TIAM2: variants seen among roughly 807,000 people sequenced by gnomAD.
TIAM2 encodes the protein TIAM Rac1 associated GEF 2.
A neutral mutation model predicts 152.9 loss-of-function variants in TIAM2; 80 were observed. The ratio of observed to expected loss-of-function variants is 0.52; its 90% CI spans 0.44 to 0.63. TIAM2 has a LOEUF of 0.63. Among genes scored for constraint, TIAM2 ranks in the 30% least tolerant of loss-of-function variants. TIAM2 has a pLI of 0.00. For synonymous variants in TIAM2, 804 were observed against 838.0 expected, an observed-to-expected ratio of 0.96 and a Z score of 0.70; for missense variants, 1,965 against 2,120.1, an observed-to-expected ratio of 0.93 and a Z score of 1.44.
At chr6:155,041,031 AT>A (rs879410896) in intron 1 of TIAM2, among the ~76,000 whole-genome samples, 6 of 150,698 alleles carry the variant, frequency 4.0e-5, no homozygotes, top group Admixed American at 2.6e-4. Flanking sequence ...CAAGTTCCCT[AT>A]TTTTTTTTGG....
Position 155,186,901 on chromosome 6 carries a change from C to T in TIAM2, c.3064+3401C>T, listed in dbSNP as rs1781054176. Among the ~76,000 whole-genome samples, 1 of 152,164 alleles carries T rather than the reference C, an allele frequency of 6.6e-6. No homozygotes were observed. The highest frequency in any genetic ancestry group is 1.5e-5 in the Non-Finnish European group (1 of 68,034). ...TTCCCTAAATTTCACTTTCCCTTGG[C>T]ATTGCTAGAAGGCAACCATGTACTT... On this transcript the variant is annotated intron_variant, in intron 14 of 26. Coordinates refer to ENST00000682666, the MANE Select transcript of TIAM2 (RefSeq NM_012454.4). This position sits in a 1 kb window ranked among gnomAD's most constrained non-coding sequence, Gnocchi z 4.5.
At chr6:155,083,948 C>G (rs527248527) in intron 1 of TIAM2, among the ~76,000 whole-genome samples, 15 of 152,278 alleles carry the variant, frequency 9.9e-5, no homozygotes, top group Non-Finnish European at 1.8e-4. Context: ...TGGCCCAGCC[C>G]TGGAAATCCT....
chr6:155,136,226 A>G (rs912793860), intron 4 of TIAM2, among the ~76,000 whole-genome samples: 4 of 151,266 alleles, frequency 2.6e-5, no homozygotes, highest in South Asian at 2.1e-4. Flanking sequence ...CAAAAAAGCT[A>G]TAGTTACTAG....
rs759151486 is a variant in TIAM2 at position 155,129,468 on chromosome 6, C to T, written c.245C>T (p.Thr82Ile). The T allele has an allele frequency of 1.9e-6, 3 of 1,614,164 alleles. No homozygotes were observed. The South Asian group carries it at 3.3e-5, about 18-fold the overall frequency. ...QPYASRLGGP[T>I]CKVSRGVAYS... ...TACGCATCGAGACTCGGTGGCCCCA[C>T]ATGCAAGGTCTCCAGAGGTGTTGCC... The change falls in exon 4 of 27, where the codon ACA becomes ATA. Residue 82 changes from threonine to isoleucine, a missense_variant. Thr to Ile is a moderately conservative substitution (Grantham distance 89). Around this residue, in one of 3 missense-constraint regions of TIAM2, gnomAD observed 1,025 missense variants for 1,119.4 expected, o/e 0.92. Coordinates refer to ENST00000682666, the MANE Select transcript of TIAM2 (RefSeq NM_012454.4). This position sits in a 1 kb window ranked among gnomAD's most constrained non-coding sequence, Gnocchi z 4.8.
intron 5 of TIAM2, among the ~76,000 whole-genome samples, chr6:155,142,125 G>A (rs1308510699): frequency 2.0e-5 from 3 of 152,126 alleles, no homozygotes; most frequent in Non-Finnish European, 4.4e-5. Flanking sequence ...CCAGCACCGG[G>A]GTGAATGGCA....
At chr6:155,187,750 G>GT (rs1264835533) in intron 14 of TIAM2, among the ~76,000 whole-genome samples, 1 of 151,606 alleles carries the variant, frequency 6.6e-6, no homozygotes, top group Non-Finnish European at 1.5e-5. Flanking sequence ...GGCTAATTTT[G>GT]TTTTTTTAGT....
At chr6:155,126,919 C>G (rs1019618803) in intron 2 of TIAM2, among the ~76,000 whole-genome samples, 2 of 152,098 alleles carry the variant, frequency 1.3e-5, no homozygotes, top group Non-Finnish European at 2.9e-5. Flanking sequence ...GGGGAGCCTC[C>G]CCATCTCAGC....
intron 7 of TIAM2, among the ~76,000 whole-genome samples, chr6:155,153,448 G>T (rs1406570573): frequency 6.9e-6 from 1 of 144,674 alleles, no homozygotes; most frequent in Non-Finnish European, 1.5e-5. Context: ...TTCTGAAAAA[G>T]AAAAAAAAAA....
In TIAM2 at chr6:155,174,772, C is replaced by T. The variant is rs1271411166; in HGVS notation, c.2362-2044C>T. Reference sequence around the variant, plus strand: ...TCATGTTCCTCCCACACCTGTTTATCCATAATTACGTTCTTCCTGATCTCC... The same window carrying T: ...TCATGTTCCTCCCACACCTGTTTATTCATAATTACGTTCTTCCTGATCTCC... On this transcript the variant is annotated intron_variant, in intron 9 of 26. Transcript: ENST00000682666. This position sits in a 1 kb window ranked among gnomAD's most constrained non-coding sequence, Gnocchi z 4.2. 6.6e-6 allele frequency among the ~76,000 whole-genome samples: 1 copy of T among 152,208 alleles called. No homozygotes were observed. The highest frequency in any genetic ancestry group is 1.5e-5 in the Non-Finnish European group (1 of 68,032).
intron 26 of TIAM2, chr6:155,255,531 G>A (rs1783944707): frequency 6.6e-6 from 1 of 151,842 alleles, no homozygotes; most frequent in South Asian, 2.1e-4. Context: ...AAATAAACTG[G>A]CCATCAAAAT....
At chr6:155,057,294 C>G (rs992605439) in intron 1 of TIAM2, among the ~76,000 whole-genome samples, 1 of 151,864 alleles carries the variant, frequency 6.6e-6, no homozygotes, top group African/African-American at 2.4e-5. Flanking sequence ...CCGCCTCAGC[C>G]TCCCAAAGTT....
chr6:155,074,624 A>G (rs1777912747), intron 1 of TIAM2, among the ~76,000 whole-genome samples: 2 of 152,208 alleles, frequency 1.3e-5, no homozygotes, highest in Non-Finnish European at 2.9e-5. Context: ...CTGGGATTAC[A>G]GGCATGAGCC....
At chr6:155,006,156 G>T (rs1303977096) in intron 1 of TIAM2, among the ~76,000 whole-genome samples, 1 of 152,126 alleles carries the variant, frequency 6.6e-6, no homozygotes, top group Non-Finnish European at 1.5e-5. Flanking sequence ...TTTACAGATG[G>T]GAGGCCGACC....
At chr6:155,181,289 G>A (rs1360515500) in intron 12 of TIAM2, among the ~76,000 whole-genome samples, 2 of 152,188 alleles carry the variant, frequency 1.3e-5, no homozygotes, top group Admixed American at 6.5e-5. Flanking sequence ...GGATTTGCAT[G>A]TAGTCTTATG....
chr6:155,200,917 T>C (rs1429560440), intron 14 of TIAM2, among the ~76,000 whole-genome samples: 4 of 151,730 alleles, frequency 2.6e-5, no homozygotes, highest in African/African-American at 7.3e-5. Flanking sequence ...TAAAATAAAA[T>C]AAATAAACAA....
At chr6:155,049,675 G>T (rs1313459542) in intron 1 of TIAM2, among the ~76,000 whole-genome samples, 1 of 152,122 alleles carries the variant, frequency 6.6e-6, no homozygotes, top group African/African-American at 2.4e-5. Context: ...TGAAATAATA[G>T]CAGTCCTTAA....
intron 1 of TIAM2, among the ~76,000 whole-genome samples, chr6:155,057,187 C>A (rs557764885): frequency 2.0e-5 from 3 of 151,576 alleles, no homozygotes; most frequent in South Asian, 2.1e-4. Flanking sequence ...TGCCACCACA[C>A]CCAGCTAATG....
intron 14 of TIAM2, among the ~76,000 whole-genome samples, chr6:155,203,531 G>A (rs1279478863): frequency 6.6e-6 from 1 of 152,182 alleles, no homozygotes; most frequent in East Asian, 1.9e-4. Context: ...TTAAATGTCA[G>A]AGACGTGTAA....
At chr6:155,206,526 TG>T (rs1781601289) in intron 14 of TIAM2, among the ~76,000 whole-genome samples, 1 of 152,196 alleles carries the variant, frequency 6.6e-6, no homozygotes, top group Non-Finnish European at 1.5e-5. Context: ...TGAACCACTG[TG>T]CCCAGCCCAC....
Sources: gnomAD v4.1 joint callset for allele counts (sites outside exome capture counted in the v4.1 genomes callset) on GRCh38, gnomAD v4.1.1 for gene constraint, gnomAD v4.1.1 regional missense constraint, Gnocchi (gnomAD v3.1) non-coding constraint, MANE v1.5 for transcripts, NCBI Gene and HGNC (gene_info 2026-07-23, HGNC 2026-07-21) for gene names.